The following PDE1C variants were observed in gnomAD, a reference collection of about 807,000 sequenced individuals.
PDE1C encodes phosphodiesterase 1C.
A neutral mutation model predicts 93.1 loss-of-function variants in PDE1C; 62 were observed. That is an observed-to-expected ratio of 0.67 (90% CI 0.54 to 0.82). The LOEUF is 0.82. Ranked by LOEUF, PDE1C falls within the 40% of genes least tolerant of loss-of-function variation. PDE1C has a pLI of 0.00. For synonymous variants in PDE1C, 325 were observed against 310.1 expected (o/e 1.05, Z -0.50); for missense variants, 742 against 884.6 (o/e 0.84, Z 2.04).
At chr7:31,819,483 A>G (rs1788689097) in intron 14 of PDE1C, among the ~76,000 whole-genome samples, 1 of 152,094 alleles carries the variant, frequency 6.6e-6, no homozygotes, top group East Asian at 1.9e-4. Flanking sequence ...TTCAGGTCTT[A>G]GATTTAGCAT....
chr7:32,136,322 A>T (rs1463494670), intron 3 of PDE1C, among the ~76,000 whole-genome samples: 1 of 151,958 alleles, frequency 6.6e-6, no homozygotes, highest in Non-Finnish European at 1.5e-5. Context: ...TATTTAAAAA[A>T]AATTAATGCA....
chr7:31,878,509 T>C (rs568822258), intron 4 of PDE1C, among the ~76,000 whole-genome samples: 21 of 152,266 alleles, frequency 1.4e-4, no homozygotes, highest in Admixed American at 1.1e-3. Flanking sequence ...CTATAAGGAT[T>C]ATAGGAAGAA....
chr7:31,753,958 C>T (rs1794278561), intron 17 of PDE1C, among the ~76,000 whole-genome samples: 1 of 151,940 alleles, frequency 6.6e-6, no homozygotes, highest in South Asian at 2.1e-4. Flanking sequence ...GCACTCAATC[C>T]CCAAGGGATA....
intron 2 of PDE1C, among the ~76,000 whole-genome samples, chr7:31,895,580 T>TTCTCTCTC (rs60958547): frequency 0.34 from 48,711 of 144,456 alleles, 9,484 homozygotes; most frequent in Non-Finnish European, 0.44. Flanking sequence ...TTTCTCTCTT[T>TTCTCTCTC]TCTCTCTCTC....
chr7:32,184,729 C>T (rs1803720764), intron 2 of PDE1C, among the ~76,000 whole-genome samples: 1 of 152,154 alleles, frequency 6.6e-6, no homozygotes, highest in Non-Finnish European at 1.5e-5. Flanking sequence ...AGCACACCAA[C>T]ATGGCACATG....
chr7:32,017,994 T>A (rs1232826648), intron 2 of PDE1C, among the ~76,000 whole-genome samples: 3 of 151,892 alleles, frequency 2.0e-5, no homozygotes, highest in African/African-American at 7.3e-5. Flanking sequence ...GTAGGAGGAT[T>A]GCTTGAGCCC....
intron 2 of PDE1C, among the ~76,000 whole-genome samples, chr7:32,009,558 G>C (rs1786788615): frequency 1.3e-5 from 2 of 152,176 alleles, no homozygotes; most frequent in Admixed American, 1.3e-4. Context: ...TCAGAGAAAA[G>C]GTGCCAACCT....
rs751636735 is a variant in PDE1C at position 32,391,155 on chromosome 7, A to G, written c.310+36667T>C. ...TACAAGAGGCACACTTTAGATTCAA[A>G]GAGACAAATAAACTAAAAAGTTTAA... On this transcript the variant is annotated intron_variant, in intron 1 of 1. Transcript: ENST00000672256. Among the ~76,000 whole-genome samples, 67 of 152,314 alleles carry G rather than the reference A, an allele frequency of 4.4e-4. No homozygotes were observed. In the Middle Eastern group the frequency reaches 0.014, roughly 31 times the overall value.
chr7:32,318,233 C>T (rs1783213323), intron 1 of PDE1C, among the ~76,000 whole-genome samples: 1 of 152,164 alleles, frequency 6.6e-6, no homozygotes, highest in Non-Finnish European at 1.5e-5. Context: ...CAGGGCCCCA[C>T]ACCTAGGGGC....
chr7:32,201,246 G>A (rs549096743), intron 2 of PDE1C, among the ~76,000 whole-genome samples: 49 of 152,252 alleles, frequency 3.2e-4, no homozygotes, highest in Admixed American at 2.5e-3. Context: ...GGTTATCCTC[G>A]TCTGTCTCTT....
At chr7:32,288,342 TCAG>T (rs1383470557) in intron 1 of PDE1C, among the ~76,000 whole-genome samples, 1 of 152,156 alleles carries the variant, frequency 6.6e-6, no homozygotes, top group East Asian at 1.9e-4. Flanking sequence ...CTCATTATCA[TCAG>T]CAACATGGGG....
At chr7:32,367,694 G>A (rs1233511901) in intron 1 of PDE1C, among the ~76,000 whole-genome samples, 1 of 152,092 alleles carries the variant, frequency 6.6e-6, no homozygotes, top group Admixed American at 6.5e-5. Context: ...TGTAACCCCA[G>A]CACTTTGGGA....
chr7:31,993,110 C>T (rs1347492042), intron 2 of PDE1C, among the ~76,000 whole-genome samples: 2 of 152,114 alleles, frequency 1.3e-5, no homozygotes, highest in African/African-American at 4.8e-5. Flanking sequence ...CAATACATCC[C>T]AACATGTACT....
chr7:31,649,733 A>T, the PDE1C span, among the ~76,000 whole-genome samples: 4 of 152,144 alleles, frequency 2.6e-5, no homozygotes, highest in African/African-American at 9.7e-5. Flanking sequence ...TCAAAGCATG[A>T]TCCAACCCAG....
intron 16 of PDE1C, chr7:31,789,946 T>TTTTTC: frequency 8.4e-7 from 1 of 1,190,820 alleles, no homozygotes; most frequent in African/African-American, 1.6e-5. Flanking sequence ...GCAAAGGATT[T>TTTTTC]TGAGGATGCC....
chr7:32,405,423 G>A (rs1189923283), intron 1 of PDE1C, among the ~76,000 whole-genome samples: 3 of 151,920 alleles, frequency 2.0e-5, no homozygotes, highest in Non-Finnish European at 4.4e-5. Flanking sequence ...GGCTAATTTT[G>A]TATTTTTAGT....
intron 1 of PDE1C, among the ~76,000 whole-genome samples, chr7:32,382,172 C>A (rs1784550058): frequency 6.6e-6 from 1 of 152,118 alleles, no homozygotes; most frequent in Non-Finnish European, 1.5e-5. Flanking sequence ...CCACTACAAT[C>A]CACCTTCCTC....
At chr7:31,654,678 C>T in the PDE1C span, among the ~76,000 whole-genome samples, 1 of 152,082 alleles carries the variant, frequency 6.6e-6, no homozygotes, top group Non-Finnish European at 1.5e-5. Context: ...ACACAAAGGC[C>T]AGAGGCACTG....
At chr7:31,838,270 CAG>C (rs1029063067) in intron 9 of PDE1C, among the ~76,000 whole-genome samples, 46 of 152,180 alleles carry the variant, frequency 3.0e-4, no homozygotes, top group African/African-American at 1.1e-3. Context: ...CAAATGAATT[CAG>C]AGTTTTAAGA....
Sources: gnomAD v4.1 joint callset for allele counts (sites outside exome capture counted in the v4.1 genomes callset) on GRCh38, gnomAD v4.1.1 for gene constraint, MANE v1.5 for transcripts, NCBI Gene and HGNC (gene_info 2026-07-23, HGNC 2026-07-21) for gene names.